Variants in RPGRIP1L observed in about 807,000 individuals in gnomAD.
RPGRIP1L encodes protein fantom.
Under a neutral mutation model 160.4 loss-of-function variants are expected in RPGRIP1L, and 131 were observed. The ratio of observed to expected loss-of-function variants is 0.82; its 90% CI spans 0.71 to 0.94. The LOEUF (loss-of-function observed/expected upper bound fraction) is 0.94, where lower values mean the gene tolerates loss of function less well. Ranked by LOEUF, RPGRIP1L falls within the 40% of genes least tolerant of loss-of-function variation. RPGRIP1L has a pLI of 0.00. For missense variants in RPGRIP1L, 1,522 were observed against 1,535.8 expected, an observed-to-expected ratio of 0.99 and a Z score of 0.15; for synonymous variants, 510 against 515.8, an observed-to-expected ratio of 0.99 and a Z score of 0.15.
At chr16:53,677,769 G>T (rs1969298658) in intron 6 of RPGRIP1L, among the ~76,000 whole-genome samples, 1 of 152,132 alleles carries the variant, frequency 6.6e-6, no homozygotes, top group Non-Finnish European at 1.5e-5. Context: ...TGCTTGTGGA[G>T]CAAGGCCTCA....
chr16:53,679,524 C>T (rs778347849), intron 6 of RPGRIP1L, among the ~76,000 whole-genome samples: 2 of 151,884 alleles, frequency 1.3e-5, no homozygotes, highest in Non-Finnish European at 2.9e-5. Context: ...CCTCAGCCTC[C>T]GGAGTAGCTG....
rs1967621460 is a variant in RPGRIP1L at position 53,659,854 on chromosome 16, T to C, written c.1244-976A>G. 2.0e-5 allele frequency: 3 copies of C among 152,354 alleles called. No individual in the cohort carries two copies. In the South Asian group the frequency reaches 6.2e-4, roughly 32 times the overall value. 9.4% of individuals were successfully genotyped at this position (152,354 alleles called of 1,614,324 possible). On this transcript the variant is annotated intron_variant, in intron 10 of 26. Transcript: ENST00000647211. ...ATGATTGTGCCACTGCATTCCAGCC[T>C]GGGCGACAGAGCAAGACTCTGTCCC...
chr16:53,617,586 A>G (rs959995384), intron 24 of RPGRIP1L, among the ~76,000 whole-genome samples: 3 of 152,202 alleles, frequency 2.0e-5, no homozygotes, highest in Admixed American at 6.5e-5. Context: ...CACACCTGTT[A>G]TTGTAGAATT....
In RPGRIP1L at chr16:53,692,452, T is replaced by C. The variant is rs568740267; in HGVS notation, c.231-88A>G. ...AAAGGAACATAATCACTGTGAAGAC[T>C]TCAGTGCAGAACCTGAATAATAAAT... is the stretch of plus-strand genomic sequence containing the variant. On this transcript the variant is annotated intron_variant, in intron 3 of 26. Coordinates refer to ENST00000647211, the MANE Select transcript of RPGRIP1L (RefSeq NM_015272.5). The C allele has an allele frequency of 1.9e-4, 221 of 1,193,462 alleles. No individual in the cohort carries two copies. In the African/African-American group the frequency reaches 2.7e-3, roughly 15 times the overall value. 73.9% of individuals were successfully genotyped at this position (1,193,462 alleles called of 1,614,324 possible). A position where few individuals can be genotyped will look rare whatever the true frequency, so the allele number is the denominator to read the frequency against.
Position 53,696,297 on chromosome 16 carries a change from T to C in RPGRIP1L, c.86-2A>G. On this transcript the variant is annotated splice_acceptor_variant, in intron 2 of 26. Coordinates refer to ENST00000647211, the MANE Select transcript of RPGRIP1L (RefSeq NM_015272.5). LOFTEE classifies it high-confidence loss of function. ...TCATTGTCCGTGTTGTTGAAGTTTC[T>C]GCAAAAATGCCAAGATAATTAATTG... 1.9e-6 allele frequency: 3 copies of C among 1,613,894 alleles called. No homozygotes were observed. Among genetic ancestry groups the C allele is most frequent in the Non-Finnish European group, 2.5e-6 (3 of 1,179,840 alleles).
chr16:53,697,414 C>A (rs533688536), intron 2 of RPGRIP1L, among the ~76,000 whole-genome samples: 389 of 152,082 alleles, frequency 2.6e-3, no homozygotes, highest in Non-Finnish European at 4.2e-3. Flanking sequence ...GATGCCAAGC[C>A]GAAGCTGGAC....
intron 19 of RPGRIP1L, among the ~76,000 whole-genome samples, chr16:53,640,229 G>A (rs897078031): frequency 2.0e-5 from 3 of 152,144 alleles, no homozygotes; most frequent in Non-Finnish European, 4.4e-5. Context: ...CAGTGAAAGA[G>A]GCAAAAATTT....
In RPGRIP1L at chr16:53,674,890, C is replaced by T. The variant is rs974929480; in HGVS notation, c.882+127G>A. 1.3e-4 allele frequency: 87 copies of T among 655,242 alleles called. No homozygotes were observed. In the East Asian group the frequency reaches 1.9e-3, roughly 14 times the overall value. The allele number at this position is 655,242 out of a possible 1,614,324, so 40.6% of individuals were successfully genotyped here. On this transcript the variant is annotated intron_variant, in intron 7 of 26. Coordinates refer to ENST00000647211, the MANE Select transcript of RPGRIP1L (RefSeq NM_015272.5). ...GGGAAATGATACACATTTGTGAATA[C>T]AAAGAACAATCCTTCAAAATTATGT...
chr16:53,662,719 C>T (rs895659347), intron 10 of RPGRIP1L, among the ~76,000 whole-genome samples: 9 of 151,770 alleles, frequency 5.9e-5, no homozygotes, highest in African/African-American at 1.5e-4. Context: ...CACAAAGAAA[C>T]GAAAACTTAA....
At chr16:53,620,334 C>T (rs1446280398) in intron 23 of RPGRIP1L, among the ~76,000 whole-genome samples, 1 of 152,084 alleles carries the variant, frequency 6.6e-6, no homozygotes, top group Non-Finnish European at 1.5e-5. Flanking sequence ...AGTAATTTTA[C>T]CCCCTTCTTT....
rs150863513 is a variant in RPGRIP1L at position 53,619,272 on chromosome 16, ATTAC to A, written c.3433-68_3433-65del. 238 of 1,447,510 alleles carry A rather than the reference ATTAC, an allele frequency of 1.6e-4. 1 individual carries two copies. The African/African-American group carries it at 2.9e-3, about 18-fold the overall frequency. 89.7% of individuals were successfully genotyped at this position (1,447,510 alleles called of 1,614,324 possible). The stretch of plus-strand genomic sequence containing the variant: ...AAATAATTGAACAAAAAGATCCACT[ATTAC>A]TTTCCACTATCAATTTTAAATAAAA... On this transcript the variant is annotated intron_variant, in intron 23 of 26. Transcript: ENST00000647211.
chr16:53,656,596 A>C lies in RPGRIP1L; in HGVS notation c.1582-7T>G, dbSNP rs887053497. 3 of 1,542,416 alleles carry C rather than the reference A, an allele frequency of 1.9e-6. No homozygotes were observed. In the African/African-American group the frequency reaches 4.1e-5, roughly 21 times the overall value. On this transcript the variant is annotated splice_region_variant and splice_polypyrimidine_tract_variant and intron_variant, in intron 13 of 26. Transcript: ENST00000647211. ...TCACTGCCTCAACCTCCATCTACAA[A>C]ATAAGGGAAAATAAGTTTTAATACT...
Position 53,652,624 on chromosome 16 carries a change from G to A in RPGRIP1L, c.2063C>T (p.Thr688Ile). 7 of 1,613,920 alleles carry A rather than the reference G, an allele frequency of 4.3e-6. No homozygotes were observed. Among genetic ancestry groups the A allele is most frequent in the Non-Finnish European group, 5.9e-6 (7 of 1,179,886 alleles). Residue 688 changes from threonine (T) to isoleucine (I), a missense_variant, in exon 15 of 27, where the codon ACA becomes ATA. By Grantham distance (89) the Thr-to-Ile change is moderately conservative. Transcript: ENST00000647211. ...ACATGCTGCAATTGTTTCATATTCT[G>A]TGCTATAAGCCTGGTGGACCTCAAG... ...ITLEVHQAYS[T>I]EYETIAACQL...
intron 3 of RPGRIP1L, chr16:53,695,611 T>A (rs926116872): frequency 3.4e-6 from 2 of 581,584 alleles, no homozygotes; most frequent in Non-Finnish European, 6.1e-6. Flanking sequence ...TTGCCAAGAT[T>A]TTTTGCACAT....
chr16:53,652,123 T>G (rs1966862738), intron 15 of RPGRIP1L, among the ~76,000 whole-genome samples: 1 of 152,188 alleles, frequency 6.6e-6, no homozygotes, highest in African/African-American at 2.4e-5. Context: ...TTATCCAGGC[T>G]GGAGTGCAGT....
chr16:53,700,808 C>T (rs544130881), intron 1 of RPGRIP1L, 78 bp from the exon 2 acceptor site: 61 of 1,094,090 alleles, frequency 5.6e-5, no homozygotes, highest in Middle Eastern at 3.9e-4. Context: ...CCAAATAAAA[C>T]GAAAAAGGGA....
chr16:53,697,574 G>A (rs1598424142), intron 2 of RPGRIP1L, among the ~76,000 whole-genome samples: 2 of 152,218 alleles, frequency 1.3e-5, no homozygotes, highest in Non-Finnish European at 2.9e-5. Context: ...GTGTTGGCCG[G>A]GCTGGTCTCC....
Position 53,669,486 on chromosome 16 carries a change from C to T in RPGRIP1L, c.1103+2024G>A, listed in dbSNP as rs146026688. On this transcript the variant is annotated intron_variant, in intron 9 of 26. Transcript: ENST00000647211. ...AAAAAAAAAACCCTTCAAATTTATA[C>T]TCTTAGATCATCTTCTAATATGGAA... Among the ~76,000 whole-genome samples the T allele has an allele frequency of 8.5e-4, 129 of 151,200 alleles. 4 individuals are homozygous for T. In the East Asian group the frequency reaches 0.02, roughly 23 times the overall value.
At chr16:53,695,332 T>C (rs1349513742) in intron 3 of RPGRIP1L, 3 of 702,710 alleles carry the variant, frequency 4.3e-6, no homozygotes, top group Non-Finnish European at 7.8e-6. Context: ...GGCCTGCACA[T>C]AGCATGCCAG....
Sources: gnomAD v4.1 joint callset for allele counts (sites outside exome capture counted in the v4.1 genomes callset) on GRCh38, gnomAD v4.1.1 for gene constraint, MANE v1.5 for transcripts, NCBI Gene and HGNC (gene_info 2026-07-23, HGNC 2026-07-21) for gene names.